HEMK2: variants seen among roughly 807,000 people sequenced by gnomAD.
HEMK2 encodes methyltransferase HEMK2.
chr21:28,616,815 A>G, the HEMK2 span, among the ~76,000 whole-genome samples: 1 of 152,200 alleles, frequency 6.6e-6, no homozygotes, highest in African/African-American at 2.4e-5. Context: ...CTCCAACTCA[A>G]AAAACTCAAC....
chr21:28,762,583 T>C, the HEMK2 span, among the ~76,000 whole-genome samples: 84 of 152,292 alleles, frequency 5.5e-4, 1 homozygote, highest in South Asian at 0.017. Flanking sequence ...ATGGTTTTAA[T>C]GTGCCCCACA....
At chr21:28,695,219 T>A in the HEMK2 span, among the ~76,000 whole-genome samples, 1 of 152,184 alleles carries the variant, frequency 6.6e-6, no homozygotes, top group Non-Finnish European at 1.5e-5. Flanking sequence ...TCATTCAGAC[T>A]GCTACAACAA....
the HEMK2 span, among the ~76,000 whole-genome samples, chr21:28,801,559 G>A: frequency 6.6e-6 from 1 of 151,920 alleles, no homozygotes; most frequent in South Asian, 2.1e-4. Flanking sequence ...CCAATCAATA[G>A]GAAAATTTGA....
the HEMK2 span, among the ~76,000 whole-genome samples, chr21:28,635,125 G>A: frequency 7.1e-6 from 1 of 141,252 alleles, no homozygotes; most frequent in African/African-American, 2.7e-5. Flanking sequence ...TTCTTTAGAT[G>A]GAGTTTCGCT....
chr21:28,635,051 T>C, the HEMK2 span, among the ~76,000 whole-genome samples: 1 of 152,072 alleles, frequency 6.6e-6, no homozygotes, highest in Non-Finnish European at 1.5e-5. Context: ...GTCAGCAAAG[T>C]TCAAAATTAA....
the HEMK2 span, among the ~76,000 whole-genome samples, chr21:28,628,358 A>C: frequency 6.6e-6 from 1 of 152,220 alleles, no homozygotes; most frequent in East Asian, 1.9e-4. Flanking sequence ...ACTATGAGTT[A>C]AGAATTGCTT....
chr21:28,829,899 C>G, the HEMK2 span, among the ~76,000 whole-genome samples: 1 of 152,218 alleles, frequency 6.6e-6, no homozygotes, highest in South Asian at 2.1e-4. Context: ...ATGTCCTGTT[C>G]ATTTGGAGAA....
the HEMK2 span, among the ~76,000 whole-genome samples, chr21:28,665,041 G>T: frequency 6.6e-6 from 1 of 151,982 alleles, no homozygotes; most frequent in African/African-American, 2.4e-5. Context: ...ACTTTGGGAG[G>T]CCAAGGCAGG....
chr21:28,883,060 C>T, the HEMK2 span: 4 of 1,598,936 alleles, frequency 2.5e-6, no homozygotes, highest in Admixed American at 1.7e-5. Flanking sequence ...TACTTCCAGG[C>T]ATATTTCCAC....
the HEMK2 span, among the ~76,000 whole-genome samples, chr21:28,863,413 TATATATATATATA>T: frequency 0.035 from 835 of 24,112 alleles, 96 homozygotes; most frequent in Middle Eastern, 0.12. Flanking sequence ...CTCCCTTTTA[TATATATATATATA>T]TATATATATA....
chr21:28,803,192 T>C, the HEMK2 span, among the ~76,000 whole-genome samples: 2 of 152,184 alleles, frequency 1.3e-5, no homozygotes, highest in East Asian at 3.8e-4. Context: ...GAAAAAATCA[T>C]TTCCCTCGAT....
At chr21:28,725,618 T>C in the HEMK2 span, among the ~76,000 whole-genome samples, 1 of 152,250 alleles carries the variant, frequency 6.6e-6, no homozygotes, top group Non-Finnish European at 1.5e-5. Context: ...GACTGAACTC[T>C]GCAAGTTCTA....
chr21:28,754,146 A>C, the HEMK2 span, among the ~76,000 whole-genome samples: 1 of 152,216 alleles, frequency 6.6e-6, no homozygotes, highest in Non-Finnish European at 1.5e-5. Context: ...AGAGAGGCCC[A>C]AGGGCCCCCT....
the HEMK2 span, among the ~76,000 whole-genome samples, chr21:28,843,011 T>C: frequency 1.2e-4 from 19 of 152,292 alleles, no homozygotes; most frequent in African/African-American, 4.6e-4. Context: ...TGTTGAACTG[T>C]AACTTTGTAA....
the HEMK2 span, among the ~76,000 whole-genome samples, chr21:28,817,163 T>C: frequency 1.3e-5 from 2 of 152,204 alleles, no homozygotes; most frequent in Non-Finnish European, 2.9e-5. Context: ...TAAGAAATGT[T>C]GGAATATTAT....
the HEMK2 span, among the ~76,000 whole-genome samples, chr21:28,793,444 T>C: frequency 1.7e-5 from 2 of 119,006 alleles, no homozygotes; most frequent in Admixed American, 8.5e-5. Flanking sequence ...TTTGAACTTA[T>C]GAAGGAAAAC....
chr21:28,766,621 C>T, the HEMK2 span, among the ~76,000 whole-genome samples: 29 of 151,846 alleles, frequency 1.9e-4, 1 homozygote, highest in Middle Eastern at 3.4e-3. Flanking sequence ...CATCAACCAA[C>T]GAATAGATAA....
the HEMK2 span, among the ~76,000 whole-genome samples, chr21:28,759,937 C>T: frequency 6.6e-6 from 1 of 152,148 alleles, no homozygotes; most frequent in African/African-American, 2.4e-5. Flanking sequence ...TTACTACACA[C>T]TGAACATGAC....
At chr21:28,829,301 A>G in the HEMK2 span, among the ~76,000 whole-genome samples, 2 of 152,232 alleles carry the variant, frequency 1.3e-5, no homozygotes, top group Non-Finnish European at 2.9e-5. Flanking sequence ...CTCAGAAAGC[A>G]TATGTTGGAA....
Sources: allele counts gnomAD v4.1 joint callset (sites outside exome capture counted in the v4.1 genomes callset), GRCh38; gene constraint gnomAD v4.1.1; transcripts MANE v1.5; gene names NCBI Gene and HGNC (gene_info 2026-07-23, HGNC 2026-07-21).